DHRS4L2: variants seen among roughly 807,000 people sequenced by gnomAD.
DHRS4L2 encodes the protein dehydrogenase/reductase 4 like 2, also known as dehydrogenase/reductase SDR family member 4-like 2.
Under a neutral mutation model 23.9 loss-of-function variants are expected in DHRS4L2, and 22 were observed. That is an observed-to-expected ratio of 0.92 (90% CI 0.66 to 1.31). DHRS4L2 has a LOEUF of 1.31. Among genes scored for constraint, DHRS4L2 ranks in the 40% most tolerant of loss-of-function variants. The pLI is 0.00. For synonymous variants in DHRS4L2, 141 were observed against 123.7 expected, an observed-to-expected ratio of 1.14 and a Z score of -0.93; for missense variants, 385 against 303.3, an observed-to-expected ratio of 1.27 and a Z score of -2.00.
At chr14:24,005,666 A>C (rs2138567959) in intron 7 of DHRS4L2, among the ~76,000 whole-genome samples, 1 of 152,022 alleles carries the variant, frequency 6.6e-6, no homozygotes, top group African/African-American at 2.4e-5. Context: ...ATAGTATTTG[A>C]ATATTATGGG....
rs557637811 is a variant in DHRS4L2, at chr14:23,991,740, T to TTG, written c.306+1382_306+1383insGT. Among the ~76,000 whole-genome samples, 11 of 142,588 alleles carry TTG rather than the reference T, an allele frequency of 7.7e-5. 1 individual carries two copies. Among genetic ancestry groups the TTG allele is most frequent in the African/African-American group, 2.7e-4 (11 of 40,268 alleles). 93.5% of individuals were successfully genotyped at this position (142,588 alleles called of 152,430 possible). A position where few individuals can be genotyped will look rare whatever the true frequency, so the allele number is the denominator to read the frequency against. The stretch of plus-strand genomic sequence containing the variant: ...TAGAGGCCATGGGCCTCCATATCTT[T>TTG]TTTTTTTTTTTTTGAGACAGAGTTT... On this transcript the variant is annotated intron_variant, in intron 2 of 7. Transcript: ENST00000335125.
intron 1 of DHRS4L2, among the ~76,000 whole-genome samples, chr14:23,983,077 C>A (rs137896151): frequency 0.01 from 1,592 of 151,708 alleles, 38 homozygotes; most frequent in African/African-American, 0.035. Flanking sequence ...AAGAGACTAT[C>A]GTCAGAGTGA....
At position 24,006,022 on chromosome 14, in the gene DHRS4L2, G is replaced by C. The variant is rs754852920; in HGVS notation, c.*159G>C. The C allele has an allele frequency of 6.2e-7, 1 of 1,601,988 alleles. No homozygotes were observed. Among genetic ancestry groups the C allele is most frequent in the Non-Finnish European group, 8.5e-7 (1 of 1,175,178 alleles). The stretch of plus-strand genomic sequence containing the variant: ...CTGAGGACCGGGAGACAGCCCACAG[G>C]CCAGAGTTGGGCTCTAGCTCCTGGT... On this transcript the variant is annotated 3_prime_UTR_variant, in exon 8 of 8. Coordinates refer to ENST00000335125, the MANE Select transcript of DHRS4L2 (RefSeq NM_198083.4).
intron 1 of DHRS4L2, among the ~76,000 whole-genome samples, chr14:23,971,619 C>G (rs1022064269): frequency 3.9e-5 from 6 of 152,054 alleles, no homozygotes; most frequent in African/African-American, 1.4e-4. Context: ...ATCAGACTAA[C>G]AGCAGATCTC....
At chr14:23,983,120 G>T (rs755063244) in intron 1 of DHRS4L2, among the ~76,000 whole-genome samples, 2 of 151,648 alleles carry the variant, frequency 1.3e-5, no homozygotes, top group Non-Finnish European at 2.9e-5. Flanking sequence ...GAAAATTCTT[G>T]CAATCTATCC....
chr14:23,973,230 T>C (rs1282278302), intron 1 of DHRS4L2, among the ~76,000 whole-genome samples: 4 of 151,986 alleles, frequency 2.6e-5, no homozygotes, highest in Non-Finnish European at 4.4e-5. Flanking sequence ...GGAGAAACCT[T>C]GGACAATACC....
intron 1 of DHRS4L2, among the ~76,000 whole-genome samples, chr14:23,982,012 T>A (rs2034061358): frequency 6.6e-6 from 1 of 151,548 alleles, no homozygotes; most frequent in Admixed American, 6.6e-5. Flanking sequence ...GTGGCCTTCC[T>A]CTATCTCAAC....
intron 6 of DHRS4L2, 69 bp from the exon 7 acceptor site, chr14:24,004,268 C>T: frequency 1.9e-6 from 2 of 1,037,084 alleles, no homozygotes; most frequent in Non-Finnish European, 2.6e-6. Flanking sequence ...GACTCCGTCT[C>T]TAAAAAAAAA....
chr14:23,978,791 AG>A (rs965929290), intron 1 of DHRS4L2, among the ~76,000 whole-genome samples: 3 of 131,706 alleles, frequency 2.3e-5, no homozygotes, highest in African/African-American at 6.0e-5. Context: ...GAGCTCCTGA[AG>A]GAAGCACTAA....
At chr14:23,988,837 G>A (rs373029131), upstream of DHRS4L2, 6 of 1,446,182 alleles carry the variant, frequency 4.1e-6, 1 homozygote, top group East Asian at 5.0e-5. Context: ...CCAGCTGGCC[G>A]AGGGCGGGAA....
At chr14:24,000,674 G>C (rs2034467752) in intron 3 of DHRS4L2, among the ~76,000 whole-genome samples, 189 bp from the exon 4 acceptor site, 1 of 151,984 alleles carries the variant, frequency 6.6e-6, no homozygotes, top group South Asian at 2.1e-4. Context: ...TCATTATCTA[G>C]CTGAGCAGCT....
upstream of DHRS4L2, among the ~76,000 whole-genome samples, chr14:23,986,729 A>C (rs570356693): frequency 7.7e-4 from 116 of 151,058 alleles, 1 homozygote; most frequent in Non-Finnish European, 1.4e-3. Context: ...AGGAAGAGAG[A>C]TCAAATACCC....
intron 3 of DHRS4L2, among the ~76,000 whole-genome samples, chr14:23,996,511 T>A (rs138466385): frequency 0.027 from 4,126 of 150,870 alleles, 133 homozygotes; most frequent in Non-Finnish European, 0.042. Flanking sequence ...AAAACCTTCC[T>A]TCTTAGGAAC....
At chr14:23,976,695 G>C (rs1222230289) in intron 1 of DHRS4L2, among the ~76,000 whole-genome samples, 14 of 151,750 alleles carry the variant, frequency 9.2e-5, no homozygotes, top group Non-Finnish European at 4.4e-5. Context: ...CAAAAACTTG[G>C]AACCAACCCA....
At chr14:23,993,562 T>A (rs1268285144) in intron 2 of DHRS4L2, among the ~76,000 whole-genome samples, 1 of 151,552 alleles carries the variant, frequency 6.6e-6, no homozygotes, top group Non-Finnish European at 1.5e-5. Flanking sequence ...CAAAGTCTAG[T>A]TTCAGGGTGG....
At chr14:23,980,814 AAG>A (rs1485387365) in intron 1 of DHRS4L2, among the ~76,000 whole-genome samples, 1 of 151,606 alleles carries the variant, frequency 6.6e-6, no homozygotes, top group African/African-American at 2.4e-5. Flanking sequence ...TCAAAATAGT[AAG>A]AGTTATTTAT....
At chr14:23,989,125 C>G in intron 1 of DHRS4L2, 50 bp downstream of exon 1, 1 of 1,545,558 alleles carries the variant, frequency 6.5e-7, no homozygotes, top group Non-Finnish European at 8.7e-7. Flanking sequence ...TGGAAACATG[C>G]ACTGGTGTCT....
At chr14:23,986,968 G>A (rs1274622431), upstream of DHRS4L2, among the ~76,000 whole-genome samples, 2 of 151,558 alleles carry the variant, frequency 1.3e-5, no homozygotes, top group Admixed American at 1.3e-4. Context: ...CCTGGACATG[G>A]GGAAAATTAT....
At chr14:23,973,120 T>C (rs771720670) in intron 1 of DHRS4L2, among the ~76,000 whole-genome samples, 5 of 151,934 alleles carry the variant, frequency 3.3e-5, no homozygotes, top group Non-Finnish European at 7.4e-5. Context: ...GCTTTCCTCT[T>C]TTACTAATCC....
Sources: gnomAD v4.1 joint callset for allele counts (sites outside exome capture counted in the v4.1 genomes callset) on GRCh38, gnomAD v4.1.1 for gene constraint, MANE v1.5 for transcripts, NCBI Gene and HGNC (gene_info 2026-07-23, HGNC 2026-07-21) for gene names.